The following STARD13 variants were observed in gnomAD, a reference collection of about 807,000 sequenced individuals.
STARD13 encodes the protein StAR related lipid transfer domain containing 13, also known as stAR-related lipid transfer protein 13.
In STARD13, 62 loss-of-function variants were observed where a neutral mutation model predicts 106.4. The observed-to-expected ratio is 0.58, with a 90% CI of 0.48 to 0.72. The LOEUF (loss-of-function observed/expected upper bound fraction) is 0.72, where lower values mean the gene tolerates loss of function less well. Ranked by LOEUF, STARD13 falls within the 30% of genes least tolerant of loss-of-function variation. STARD13 has a pLI of 0.00. For synonymous variants in STARD13, 565 were observed against 553.0 expected, an observed-to-expected ratio of 1.02 and a Z score of -0.31; for missense variants, 1,387 against 1,424.0, an observed-to-expected ratio of 0.97 and a Z score of 0.42.
Position 33,180,892 on chromosome 13 carries a change from A to T in STARD13, c.170-13270T>A, listed in dbSNP as rs969380441. The stretch of plus-strand genomic sequence containing the variant: ...CGTCCTTGAAACTTTTGCTTCTCTA[A>T]AATAAGGAACAAGTAAATATCGACA... On this transcript the variant is annotated intron_variant, in intron 1 of 13. Coordinates refer to ENST00000336934, the MANE Select transcript of STARD13 (RefSeq NM_178006.4). Among the ~76,000 whole-genome samples, 17 of 152,298 alleles carry T rather than the reference A, an allele frequency of 1.1e-4. 2 individuals are homozygous for T. In the East Asian group the frequency reaches 3.3e-3, roughly 29 times the overall value.
chr13:33,108,880 G>A (rs1027964403), intron 12 of STARD13, among the ~76,000 whole-genome samples: 9 of 152,286 alleles, frequency 5.9e-5, no homozygotes, highest in African/African-American at 2.2e-4. Flanking sequence ...AATAACTTTG[G>A]TAATATGCCA....
At position 33,167,573 on chromosome 13, in the gene STARD13, C is replaced by T. The variant is rs780907567; in HGVS notation, c.219G>A (p.Pro73=). The T allele has an allele frequency of 1.7e-5, 28 of 1,614,016 alleles. No individual in the cohort carries two copies. The highest frequency in any genetic ancestry group is 1.6e-4 in the South Asian group (15 of 91,082). Residue 73 remains proline, a synonymous_variant, in exon 2 of 14, where the codon CCG becomes CCA. Transcript: ENST00000336934. ...TACCCTCATATAACTGAGCGTATTG[C>T]GGGAACCCGGCAGCACGGAGCCAGT... is the stretch of plus-strand genomic sequence containing the variant. ...ACDWLRAAGF[P]QYAQLYEDSQ...
the STARD13 span, among the ~76,000 whole-genome samples, chr13:33,525,804 G>C: frequency 1.3e-5 from 2 of 152,096 alleles, no homozygotes; most frequent in Admixed American, 6.6e-5. Flanking sequence ...GTTGTTTTTG[G>C]TGGGAGGGGG....
chr13:33,167,688 A>G (rs1883489614), intron 1 of STARD13, 66 bp from the exon 2 acceptor site: 1 of 1,485,084 alleles, frequency 6.7e-7, no homozygotes, highest in Non-Finnish European at 9.4e-7. Flanking sequence ...TGCCTTCTTA[A>G]TCATGGAGAC....
chr13:33,181,004 T>C (rs1050750206), intron 1 of STARD13, among the ~76,000 whole-genome samples: 3 of 152,178 alleles, frequency 2.0e-5, no homozygotes, highest in African/African-American at 7.2e-5. Flanking sequence ...TTTTTAGATA[T>C]AATTGAGAGG....
At chr13:33,439,792 G>T in the STARD13 span, 1 of 815,888 alleles carries the variant, frequency 1.2e-6, no homozygotes, top group Non-Finnish European at 1.7e-6. Context: ...TATTGAGTTT[G>T]AGACAAAAAA....
the STARD13 span, among the ~76,000 whole-genome samples, chr13:33,382,596 A>G: frequency 1.3e-5 from 2 of 152,246 alleles, no homozygotes; most frequent in Admixed American, 6.5e-5. Flanking sequence ...TTAAGTAAAC[A>G]AATAAACATG....
chr13:33,480,292 T>C, the STARD13 span, among the ~76,000 whole-genome samples: 1 of 152,190 alleles, frequency 6.6e-6, no homozygotes, highest in Non-Finnish European at 1.5e-5. Context: ...ACCATTAATA[T>C]CTTACAGAAT....
intron 1 of STARD13, among the ~76,000 whole-genome samples, chr13:33,245,874 A>G (rs1384483229): frequency 6.6e-6 from 1 of 152,112 alleles, no homozygotes; most frequent in African/African-American, 2.4e-5. Flanking sequence ...TTGTAAAGTA[A>G]TTTATAGGGA....
chr13:33,661,337 G>A, the STARD13 span: 2 of 152,328 alleles, frequency 1.3e-5, no homozygotes, highest in East Asian at 3.9e-4. Context: ...CGTCCCAGGT[G>A]GTTAACCTGA....
chr13:33,620,347 A>G, the STARD13 span, among the ~76,000 whole-genome samples: 1 of 149,240 alleles, frequency 6.7e-6, no homozygotes, highest in Non-Finnish European at 1.5e-5. Flanking sequence ...CAGTGGCGCT[A>G]TCTCAGCTCA....
chr13:33,206,433 C>G (rs1887425242), intron 1 of STARD13, among the ~76,000 whole-genome samples: 1 of 151,752 alleles, frequency 6.6e-6, no homozygotes, highest in African/African-American at 2.4e-5. Context: ...ACTGTGCAAA[C>G]CAATTCCAAG....
intron 3 of STARD13, chr13:33,158,700 AG>A (rs1243807504): frequency 1.3e-5 from 2 of 152,238 alleles, no homozygotes; most frequent in Non-Finnish European, 2.9e-5. Flanking sequence ...GGAGTGGCTG[AG>A]GGTCTAATTA....
intron 1 of STARD13, chr13:33,276,565 C>T (rs183958242): frequency 8.5e-5 from 13 of 152,110 alleles, no homozygotes; most frequent in South Asian, 2.1e-4. Flanking sequence ...CTTTTTGTAT[C>T]CAGTGTGTCG....
At chr13:33,474,888 G>A in the STARD13 span, among the ~76,000 whole-genome samples, 1 of 152,002 alleles carries the variant, frequency 6.6e-6, no homozygotes, top group Non-Finnish European at 1.5e-5. Context: ...TTCTTGCTTA[G>A]GTAAACATCT....
rs1417119733 is a variant in STARD13, at chr13:33,335,928, CA to C, written c.124+14361del. On this transcript the variant is annotated intron_variant, in intron 1 of 5. Transcript: ENST00000567873. ...CCTTAGCACAGTGCCAGGAATACAA[CA>C]GAGTCCAATACTGGGTAGCTGTTAA... Among the ~76,000 whole-genome samples, 8 of 152,314 alleles carry C rather than the reference CA, an allele frequency of 5.3e-5. No individual in the cohort carries two copies. The East Asian group carries it at 1.5e-3, about 29-fold the overall frequency.
chr13:33,136,368 C>T (rs189794155), intron 4 of STARD13, among the ~76,000 whole-genome samples: 2 of 152,288 alleles, frequency 1.3e-5, no homozygotes, highest in Admixed American at 6.5e-5. Context: ...AGGAGGCAGT[C>T]AAATGCCTAG....
intron 1 of STARD13, among the ~76,000 whole-genome samples, chr13:33,181,047 T>G (rs1030665479): frequency 6.6e-6 from 1 of 152,180 alleles, no homozygotes; most frequent in South Asian, 2.1e-4. Context: ...AACATTGTTG[T>G]GTGTTTTTTG....
the STARD13 span, among the ~76,000 whole-genome samples, chr13:33,399,423 G>A: frequency 3.3e-5 from 5 of 152,180 alleles, no homozygotes; most frequent in African/African-American, 1.2e-4. Flanking sequence ...GGCCAGGCAT[G>A]GTGGTTCACA....
Sources: gnomAD v4.1 joint callset for allele counts (sites outside exome capture counted in the v4.1 genomes callset) on GRCh38, gnomAD v4.1.1 for gene constraint, MANE v1.5 for transcripts, NCBI Gene and HGNC (gene_info 2026-07-23, HGNC 2026-07-21) for gene names.